The following AFAP1L2 variants were observed in gnomAD, a reference collection of about 807,000 sequenced individuals.
The protein encoded by AFAP1L2 is actin filament associated protein 1 like 2.
Under a neutral mutation model 99.3 loss-of-function variants are expected in AFAP1L2, and 46 were observed. The observed-to-expected ratio is 0.46, with a 90% CI of 0.37 to 0.59. The LOEUF (loss-of-function observed/expected upper bound fraction) is 0.59, where lower values mean the gene tolerates loss of function less well. Among genes scored for constraint, AFAP1L2 ranks in the 20% least tolerant of loss-of-function variants. The probability of loss-of-function intolerance (pLI) is 0.00; values close to 1 mark genes in which losing one functional copy is unlikely to be tolerated. For synonymous variants in AFAP1L2, 397 were observed against 419.1 expected (o/e 0.95, Z 0.64); for missense variants, 959 against 1,034.9 (o/e 0.93, Z 1.01).
At chr10:114,314,100 A>AG (rs758569304) in intron 6 of AFAP1L2, 50 bp from the exon 7 acceptor site, 6 of 1,565,476 alleles carry the variant, frequency 3.8e-6, no homozygotes, top group Non-Finnish European at 5.2e-6. Context: ...TGCCGGGCGG[A>AG]GGTGATGTCT....
At chr10:114,366,390 T>C (rs2136783394) in intron 1 of AFAP1L2, among the ~76,000 whole-genome samples, 1 of 152,244 alleles carries the variant, frequency 6.6e-6, no homozygotes, top group African/African-American at 2.4e-5. Flanking sequence ...GGAAGGGCAG[T>C]GCAGGACCCA....
intron 1 of AFAP1L2, among the ~76,000 whole-genome samples, chr10:114,355,540 G>A (rs2051229772): frequency 6.8e-6 from 1 of 147,532 alleles, no homozygotes; most frequent in South Asian, 2.1e-4. Flanking sequence ...CATTAGCACT[G>A]GTAGCTTAAA....
intron 1 of AFAP1L2, among the ~76,000 whole-genome samples, chr10:114,394,356 G>A (rs1479351249): frequency 1.3e-5 from 2 of 152,284 alleles, no homozygotes; most frequent in African/African-American, 2.4e-5. Context: ...TGACTCTGAG[G>A]TCACCAGCCC....
At chr10:114,286,368 TG>T in the AFAP1L2 span, 1 of 1,613,916 alleles carries the variant, frequency 6.2e-7, no homozygotes, top group African/African-American at 1.3e-5. Context: ...CTGCTCCTGC[TG>T]GGTGTAGGCA....
Position 114,342,047 on chromosome 10 carries a change from C to G in AFAP1L2, c.17-1316G>C, listed in dbSNP as rs11196703. The stretch of plus-strand genomic sequence containing the variant: ...TGAGAAAACAAGTGTGAGGCTTGAC[C>G]GCTAGACTTGGGGTTTTCTACGCTG... On this transcript the variant is annotated intron_variant, in intron 1 of 18. Coordinates refer to ENST00000304129, the MANE Select transcript of AFAP1L2 (RefSeq NM_001001936.3). Among the ~76,000 whole-genome samples, 4 of 152,280 alleles carry G rather than the reference C, an allele frequency of 2.6e-5. No individual in the cohort carries two copies. In the South Asian group the frequency reaches 6.2e-4, roughly 24 times the overall value.
chr10:114,297,150 G>GGCCCCC, intron 17 of AFAP1L2, 50 bp from the exon 18 acceptor site: 10 of 1,587,388 alleles, frequency 6.3e-6, no homozygotes, highest in Non-Finnish European at 4.3e-6. Flanking sequence ...AGGGAGATGT[G>GGCCCCC]ACCCACCCAC....
chr10:114,384,802 C>G (rs563384239), intron 1 of AFAP1L2, among the ~76,000 whole-genome samples: 1 of 152,304 alleles, frequency 6.6e-6, no homozygotes, highest in African/African-American at 2.4e-5. Flanking sequence ...CCTCCATGTG[C>G]CCACAGCAGT....
chr10:114,350,642 A>C (rs958086365), intron 1 of AFAP1L2, among the ~76,000 whole-genome samples: 1 of 152,214 alleles, frequency 6.6e-6, no homozygotes, highest in African/African-American at 2.4e-5. Flanking sequence ...ACGAGCCACC[A>C]GAGGCAGCCC....
intron 1 of AFAP1L2, among the ~76,000 whole-genome samples, chr10:114,379,992 C>G (rs1408514256): frequency 6.6e-6 from 1 of 152,152 alleles, no homozygotes; most frequent in East Asian, 1.9e-4. Flanking sequence ...GCGGCAGGGG[C>G]GGGGGAATCC....
rs1031509334 is a variant in AFAP1L2 at position 114,377,520 on chromosome 10, T to G, written c.16+26920A>C. Among the ~76,000 whole-genome samples the G allele has an allele frequency of 3.9e-5, 6 of 152,216 alleles. No individual in the cohort carries two copies. The highest frequency in any genetic ancestry group is 1.4e-4 in the African/African-American group (6 of 41,456). On this transcript the variant is annotated intron_variant, in intron 1 of 18. Transcript: ENST00000304129. The surrounding 1 kb of genome is among the most constrained non-coding windows in gnomAD (Gnocchi z 4.0). ...CATAGACACTGTACCATATGCCATA[T>G]GTACTTAATCAAGGGAGTATAACTT... is the stretch of plus-strand genomic sequence containing the variant.
intron 1 of AFAP1L2, among the ~76,000 whole-genome samples, chr10:114,402,931 C>T (rs1333104647): frequency 6.6e-6 from 1 of 152,176 alleles, no homozygotes; most frequent in African/African-American, 2.4e-5. Flanking sequence ...AGGCTCAACT[C>T]AAGGCCTGAA....
intron 1 of AFAP1L2, among the ~76,000 whole-genome samples, chr10:114,395,241 C>T (rs149436602): frequency 1.5e-3 from 231 of 152,286 alleles, no homozygotes; most frequent in South Asian, 6.4e-3. Context: ...GAATTGGGTG[C>T]CGCAAAAGTC....
rs1432103144 is a variant in AFAP1L2, at chr10:114,325,930, G to A, written c.316-2669C>T. On this transcript the variant is annotated intron_variant, in intron 4 of 18. Coordinates refer to ENST00000304129, the MANE Select transcript of AFAP1L2 (RefSeq NM_001001936.3). The stretch of plus-strand genomic sequence containing the variant: ...AGTGGGTCCCAGGGCTCATCAGCCT[G>A]ATCTGGCTGGGCCTCCAGCTCCAGC... 3 of 1,289,374 alleles carry A rather than the reference G, an allele frequency of 2.3e-6. No individual in the cohort carries two copies. The Admixed American group carries it at 6.9e-5, about 30-fold the overall frequency. The allele number at this position is 1,289,374 out of a possible 1,614,324, so 79.9% of individuals were successfully genotyped here.
rs185046149 is a variant in AFAP1L2 at position 114,358,698 on chromosome 10, T to C, written c.17-17967A>G. Among the ~76,000 whole-genome samples the C allele has an allele frequency of 1.4e-4, 22 of 152,300 alleles. No individual in the cohort carries two copies. The East Asian group carries it at 4.0e-3, about 28-fold the overall frequency. The stretch of plus-strand genomic sequence containing the variant: ...GGGAGCCTGAGGTGGGTGGATCACC[T>C]GAGGTCAGGAGTTCGAGACCAGCCT... On this transcript the variant is annotated intron_variant, in intron 1 of 18. Transcript: ENST00000304129.
At position 114,315,652 on chromosome 10, in the gene AFAP1L2, G is replaced by A. The variant is rs761416436; in HGVS notation, c.520C>T (p.Arg174Cys). The A allele has an allele frequency of 3.1e-6, 5 of 1,613,832 alleles. No individual in the cohort carries two copies. The highest frequency in any genetic ancestry group is 1.3e-5 in the African/African-American group (1 of 74,948). ...AGGAAGGCGCAGATGCGGGCGTCAC[G>A]CATCAGCTCGATGCCGGCCTCCGGC... is the stretch of plus-strand genomic sequence containing the variant. ...PSPEAGIELM[R>C]DARICAFLWR... The change falls in exon 6 of 19, where the codon CGT becomes TGT. Residue 174 changes from arginine to cysteine, a missense_variant. Transcript: ENST00000304129.
intron 5 of AFAP1L2, among the ~76,000 whole-genome samples, 159 bp from the exon 6 acceptor site, chr10:114,315,924 A>T (rs571805006): frequency 6.6e-6 from 1 of 152,164 alleles, no homozygotes; most frequent in Non-Finnish European, 1.5e-5. Context: ...GCCAGATCCC[A>T]GGGCTGGCTT....
intron 1 of AFAP1L2, among the ~76,000 whole-genome samples, chr10:114,380,931 C>T (rs771423305): frequency 2.0e-5 from 3 of 152,180 alleles, no homozygotes; most frequent in Admixed American, 6.5e-5. Context: ...AACAGTCTGT[C>T]GGTTTCCCAA....
chr10:114,314,880 C>A lies in AFAP1L2; in HGVS notation c.612+680G>T, dbSNP rs140481409. On this transcript the variant is annotated intron_variant, in intron 6 of 18. Transcript: ENST00000304129. ...AGCCAGGGCTGGGCGCAGTGGCTCA[C>A]GCCTGTAAACCCAGCACTTTGGGAG... Among the ~76,000 whole-genome samples, 922 of 152,280 alleles carry A rather than the reference C, an allele frequency of 6.1e-3. 10 individuals are homozygous for A. Among genetic ancestry groups the A allele is most frequent in the African/African-American group, 0.021 (879 of 41,558 alleles).
intron 7 of AFAP1L2, among the ~76,000 whole-genome samples, chr10:114,310,694 CATGCGAGGGGGGG>C (rs2043095457): frequency 2.6e-5 from 4 of 152,204 alleles, no homozygotes; most frequent in African/African-American, 9.6e-5. Flanking sequence ...CGTTCATGGG[CATGCGAGGGGGGG>C]CCTTGGCAGC....
Sources: allele counts gnomAD v4.1 joint callset (sites outside exome capture counted in the v4.1 genomes callset), GRCh38; gene constraint gnomAD v4.1.1; non-coding constraint Gnocchi (gnomAD v3.1); transcripts MANE v1.5; gene names NCBI Gene and HGNC (gene_info 2026-07-23, HGNC 2026-07-21).